GABARAP: variants seen among roughly 807,000 people sequenced by gnomAD.
GABARAP encodes the protein GABA type A receptor-associated protein.
In GABARAP, 5 loss-of-function variants were observed where a neutral mutation model predicts 16.7. The observed-to-expected ratio is 0.30, with a 90% CI of 0.16 to 0.63. GABARAP has a LOEUF of 0.63. Among genes scored for constraint, GABARAP ranks in the 20% least tolerant of loss-of-function variants. The probability of loss-of-function intolerance (pLI) is 0.82; values close to 1 mark genes in which losing one functional copy is unlikely to be tolerated. For missense variants in GABARAP, 84 were observed against 146.6 expected, an observed-to-expected ratio of 0.57 and a Z score of 2.21; for synonymous variants, 45 against 52.7, an observed-to-expected ratio of 0.85 and a Z score of 0.64.
chr17:7,240,540 C>A lies in GABARAP; in HGVS notation c.*314G>T, dbSNP rs2071764982. The A allele has an allele frequency of 3.7e-6, 1 of 269,788 alleles. No homozygotes were observed. The highest frequency in any genetic ancestry group is 5.2e-5 in the South Asian group (1 of 19,262). 16.7% of individuals were successfully genotyped at this position (269,788 alleles called of 1,614,324 possible). On this transcript the variant is annotated 3_prime_UTR_variant, in exon 4 of 4. Transcript: ENST00000302386. ...GGAAGGGATTGCTGGGGTTCTGAGC[C>A]CCTTGGGCAGTCAGAAAGGGAACAG...
chr17:7,241,795 G>C, intron 1 of GABARAP, 116 bp from the exon 2 acceptor site: 1 of 753,990 alleles, frequency 1.3e-6, no homozygotes, highest in South Asian at 1.4e-5. Flanking sequence ...TCATCTCTTT[G>C]TCTTTGTACA....
chr17:7,242,429 C>T lies in GABARAP; in HGVS notation c.-99G>A. The stretch of plus-strand genomic sequence containing the variant: ...GGCGGCGACGCGCGGGCGGATTCAG[C>T]GGAGCGATCCACGAATTTGCGCCAC... On this transcript the variant is annotated 5_prime_UTR_variant, in exon 1 of 4. Transcript: ENST00000302386. The T allele has an allele frequency of 3.4e-6, 3 of 871,776 alleles. No individual in the cohort carries two copies. Among genetic ancestry groups the T allele is most frequent in the Middle Eastern group, 2.3e-4 (1 of 4,336 alleles). The allele number at this position is 871,776 out of a possible 1,614,324, so 54.0% of individuals were successfully genotyped here.
intron 2 of GABARAP, 68 bp from the exon 3 acceptor site, chr17:7,241,528 G>T: frequency 7.5e-7 from 1 of 1,330,686 alleles, no homozygotes; most frequent in South Asian, 1.2e-5. Flanking sequence ...CAGCTGCTAG[G>T]TGGAGCCTCC....
chr17:7,241,746 C>G lies in GABARAP; in HGVS notation c.91-67G>C, dbSNP rs958135576. ...CCCGAAGCTGCACCTGTCAAGAACTCAAGAAACAATATTCCTAGCACCTAA... is the reference window on the plus strand; with the variant it reads ...CCCGAAGCTGCACCTGTCAAGAACTGAAGAAACAATATTCCTAGCACCTAA... On this transcript the variant is annotated intron_variant, in intron 1 of 3. Coordinates refer to ENST00000302386, the MANE Select transcript of GABARAP (RefSeq NM_007278.2). 1.0e-5 allele frequency: 10 copies of G among 958,600 alleles called. No individual in the cohort carries two copies. In the African/African-American group the frequency reaches 1.4e-4, roughly 14 times the overall value. 59.4% of individuals were successfully genotyped at this position (958,600 alleles called of 1,614,324 possible). A position where few individuals can be genotyped will look rare whatever the true frequency, so the allele number is the denominator to read the frequency against.
At chr17:7,242,160 GCGCTGCCTGTCC>G in intron 1 of GABARAP, 69 bp downstream of exon 1, 1 of 980,432 alleles carries the variant, frequency 1.0e-6, no homozygotes, top group Non-Finnish European at 1.5e-6. Flanking sequence ...CCTGATCCCT[GCGCTGCCTGTCC>G]CGATCCAAGG....
At position 7,240,837 on chromosome 17, in the gene GABARAP, G is replaced by C. The variant is rs150650337; in HGVS notation, c.*17C>G. ...CTTTGTAGAATGAGACCCCCCTCCA[G>C]CTCAGGGGCAGCAGCTTCACAGACC... On this transcript the variant is annotated 3_prime_UTR_variant, in exon 4 of 4. Coordinates refer to ENST00000302386, the MANE Select transcript of GABARAP (RefSeq NM_007278.2). The C allele has an allele frequency of 2.4e-5, 38 of 1,586,582 alleles. No individual in the cohort carries two copies. The Admixed American group carries it at 4.2e-4, about 17-fold the overall frequency.
At position 7,242,307 on chromosome 17, in the gene GABARAP, CTCT is replaced by C; in HGVS notation, c.21_23del (p.Glu8del). The C allele has an allele frequency of 6.2e-7, 1 of 1,613,736 alleles. No homozygotes were observed. Among genetic ancestry groups the C allele is most frequent in the Non-Finnish European group, 8.5e-7 (1 of 1,179,808 alleles). The stretch of plus-strand genomic sequence containing the variant: ...CAGAGCGGCGCTTCTCGAACGGATG[CTCT>C]TCTTTGTACACGAACTTCATCCTCC... On this transcript the variant is annotated inframe_deletion, in exon 1 of 4. Transcript: ENST00000302386.
intron 1 of GABARAP, 55 bp from the exon 2 acceptor site, chr17:7,241,734 C>A: frequency 9.8e-7 from 1 of 1,021,380 alleles, no homozygotes; most frequent in South Asian, 1.3e-5. Context: ...GAAGCTGCAC[C>A]TGTCAAGAAC....
chr17:7,241,212 C>G, intron 3 of GABARAP, 130 bp downstream of exon 3: 1 of 719,518 alleles, frequency 1.4e-6, no homozygotes, highest in Non-Finnish European at 2.5e-6. Flanking sequence ...ACCCCCAACC[C>G]ACGGCTATTA....
At chr17:7,241,725 A>G in intron 1 of GABARAP, 46 bp from the exon 2 acceptor site, 10 of 1,110,270 alleles carry the variant, frequency 9.0e-6, no homozygotes, top group Non-Finnish European at 1.4e-5. Context: ...TGCAGCCCCG[A>G]AGCTGCACCT....
In GABARAP at chr17:7,240,801, G is replaced by C. The variant is rs865958649; in HGVS notation, c.*53C>G. On this transcript the variant is annotated 3_prime_UTR_variant, in exon 4 of 4. Transcript: ENST00000302386. ...AGGAGGAGGAGGTCAAGAAAGGGGG[G>C]CCACCTCTCTCTTTGTAGAATGAGA... is the stretch of plus-strand genomic sequence containing the variant. The C allele has an allele frequency of 3.3e-6, 4 of 1,227,156 alleles. No individual in the cohort carries two copies. The allele number at this position is 1,227,156 out of a possible 1,614,324, so 76.0% of individuals were successfully genotyped here.
rs567885215 is a variant in GABARAP at position 7,241,071 on chromosome 17, C to A, written c.289-152G>T. ...CACGAGCAGTATAATCTCTGCAGTC[C>A]TGGGCAAAAAGGCCTCAAACTGTTT... On this transcript the variant is annotated intron_variant, in intron 3 of 3. Coordinates refer to ENST00000302386, the MANE Select transcript of GABARAP (RefSeq NM_007278.2). 119 of 697,896 alleles carry A rather than the reference C, an allele frequency of 1.7e-4. No individual in the cohort carries two copies. In the African/African-American group the frequency reaches 1.9e-3, roughly 11 times the overall value. The allele number at this position is 697,896 out of a possible 1,614,324, so 43.2% of individuals were successfully genotyped here. A position where few individuals can be genotyped will look rare whatever the true frequency, so the allele number is the denominator to read the frequency against.
chr17:7,240,911 A>G lies in GABARAP; in HGVS notation c.297T>C (p.His99=), dbSNP rs1414206485. ...ATMGQLYQEH[H]EEDFFLYIAY... The stretch of plus-strand genomic sequence containing the variant: ...CAATGTAGAGAAAGAAGTCTTCTTC[A>G]TGGTGTTCCTGGGATGAAAGCAGAA... The change falls in exon 4 of 4, where the codon CAT becomes CAC. Residue 99 remains histidine, a synonymous_variant. Coordinates refer to ENST00000302386, the MANE Select transcript of GABARAP (RefSeq NM_007278.2). 1.9e-6 allele frequency: 3 copies of G among 1,611,942 alleles called. No individual in the cohort carries two copies. The highest frequency in any genetic ancestry group is 2.2e-5 in the East Asian group (1 of 44,876).
At chr17:7,241,552 G>T in intron 2 of GABARAP, 49 bp downstream of exon 2, 1 of 1,410,292 alleles carries the variant, frequency 7.1e-7, no homozygotes, top group Non-Finnish European at 1.0e-6. Context: ...CGCAGAGACT[G>T]CACTCCCACC....
chr17:7,241,100 G>C lies in GABARAP; in HGVS notation c.289-181C>G, dbSNP rs530383983. On this transcript the variant is annotated intron_variant, in intron 3 of 3. Coordinates refer to ENST00000302386, the MANE Select transcript of GABARAP (RefSeq NM_007278.2). ...GCAAAAAGGCCTCAAACTGTTTTCT[G>C]CTGCTTTGGAATGGGGAGGGGGACT... Among the ~76,000 whole-genome samples the C allele has an allele frequency of 7.9e-5, 12 of 152,296 alleles. No individual in the cohort carries two copies. In the South Asian group the frequency reaches 2.5e-3, roughly 32 times the overall value.
chr17:7,241,345 G>T lies in GABARAP; in HGVS notation c.285C>A (p.Tyr95Ter). The change falls in exon 3 of 4, where the codon TAC becomes TAA. Residue 95 changes from tyrosine to a stop codon, truncating the protein, a stop_gained. Coordinates refer to ENST00000302386, the MANE Select transcript of GABARAP (RefSeq NM_007278.2). LOFTEE classifies it high-confidence loss of function. ...CACCACTTCCCAGTCACCATACCTG[G>T]TACAGCTGACCCATTGTGGCACTGG... ...PPTSATMGQL[Y>*]QEHHEEDFFL... 1 of 1,395,280 alleles carries T rather than the reference G, an allele frequency of 7.2e-7. No homozygotes were observed. The highest frequency in any genetic ancestry group is 1.0e-6 in the Non-Finnish European group (1 of 980,986). The allele number at this position is 1,395,280 out of a possible 1,614,324, so 86.4% of individuals were successfully genotyped here. A position where few individuals can be genotyped will look rare whatever the true frequency, so the allele number is the denominator to read the frequency against.
In GABARAP at chr17:7,242,374, A is replaced by AGGGGGGCCGGGAC. The variant is rs1555531612; in HGVS notation, c.-57_-45dup. 6 of 1,273,964 alleles carry AGGGGGGCCGGGAC rather than the reference A, an allele frequency of 4.7e-6. No individual in the cohort carries two copies. In the African/African-American group the frequency reaches 7.5e-5, roughly 16 times the overall value. 78.9% of individuals were successfully genotyped at this position (1,273,964 alleles called of 1,614,324 possible). A position where few individuals can be genotyped will look rare whatever the true frequency, so the allele number is the denominator to read the frequency against. On this transcript the variant is annotated 5_prime_UTR_variant, in exon 1 of 4. Transcript: ENST00000302386. ...GGACAGGGCTGGGCTGAGGGAACCC[A>AGGGGGGCCGGGAC]GGGGGGCCGGGACGGGGGGCGGCGA...
In GABARAP at chr17:7,242,268, G is replaced by A. The variant is rs944165919; in HGVS notation, c.63C>T (p.Ile21=). The A allele has an allele frequency of 6.2e-7, 1 of 1,613,720 alleles. No homozygotes were observed. Among genetic ancestry groups the A allele is most frequent in the Non-Finnish European group, 8.5e-7 (1 of 1,179,782 alleles). Residue 21 remains isoleucine (I), a synonymous_variant, in exon 1 of 4, where the codon ATC becomes ATT. Transcript: ENST00000302386. The part of the protein sequence containing the change: ...FEKRRSEGEK[I]RKKYPDRVPV... ...GCACCCGGTCCGGGTATTTCTTTCG[G>A]ATCTTCTCGCCCTCAGAGCGGCGCT... is the stretch of plus-strand genomic sequence containing the variant.
At chr17:7,242,090 C>A in intron 1 of GABARAP, 151 bp downstream of exon 1, 1 of 636,494 alleles carries the variant, frequency 1.6e-6, no homozygotes, top group Non-Finnish European at 2.8e-6. Flanking sequence ...CCACTCCTTT[C>A]ATCCTGGGTC....
Sources: allele counts gnomAD v4.1 joint callset (sites outside exome capture counted in the v4.1 genomes callset), GRCh38; gene constraint gnomAD v4.1.1; transcripts MANE v1.5; gene names NCBI Gene and HGNC (gene_info 2026-07-23, HGNC 2026-07-21).